Variants in ELP2 observed in about 807,000 individuals in gnomAD.
The protein encoded by ELP2 is elongator acetyltransferase complex subunit 2.
Under a neutral mutation model 119.2 loss-of-function variants are expected in ELP2, and 90 were observed. The observed-to-expected ratio is 0.75, with a 90% confidence interval of 0.64 to 0.90. The LOEUF is 0.90. ELP2 is among the 40% of genes least tolerant of loss of function. The pLI, the probability that ELP2 is intolerant of heterozygous loss-of-function variation, is 0.00. For synonymous variants in ELP2, 339 were observed against 331.0 expected (o/e 1.02, Z -0.26); for missense variants, 921 against 967.8 (o/e 0.95, Z 0.64).
intron 21 of ELP2, among the ~76,000 whole-genome samples, chr18:36,173,295 G>T (rs1011813697): frequency 6.6e-6 from 1 of 152,220 alleles, no homozygotes; most frequent in Admixed American, 6.5e-5. Context: ...TGTAGGAATT[G>T]TGTTCAGAAC....
At chr18:36,146,441 T>C in intron 11 of ELP2, 60 bp downstream of exon 11, 1 of 1,578,574 alleles carries the variant, frequency 6.3e-7, no homozygotes, top group Non-Finnish European at 8.7e-7. Context: ...TCTAGGTAAA[T>C]AGTATTTTGC....
At chr18:36,138,543 A>G in intron 4 of ELP2, 117 bp downstream of exon 4, 2 of 1,181,096 alleles carry the variant, frequency 1.7e-6, no homozygotes, top group African/African-American at 1.6e-5. Flanking sequence ...AAAATACTAT[A>G]ATTCTAATCT....
At chr18:36,149,351 A>G (rs573528483) in intron 11 of ELP2, among the ~76,000 whole-genome samples, 132 of 152,278 alleles carry the variant, frequency 8.7e-4, no homozygotes, top group South Asian at 2.1e-3. Flanking sequence ...ACCACCAGGC[A>G]ATGTAGCTGT....
chr18:36,158,238 C>T (rs529783321), intron 13 of ELP2, among the ~76,000 whole-genome samples: 2 of 152,190 alleles, frequency 1.3e-5, no homozygotes, highest in South Asian at 4.2e-4. Context: ...TGAGCATGTG[C>T]CAGTTTTGAT....
chr18:36,141,629 G>A (rs190017057), intron 6 of ELP2, among the ~76,000 whole-genome samples: 11 of 152,034 alleles, frequency 7.2e-5, no homozygotes, highest in African/African-American at 2.7e-4. Flanking sequence ...TATTTAATAG[G>A]ATACTCATTT....
intron 17 of ELP2, among the ~76,000 whole-genome samples, chr18:36,161,905 G>T (rs184875279): frequency 3.9e-5 from 6 of 152,150 alleles, no homozygotes; most frequent in African/African-American, 4.8e-5. Flanking sequence ...ATGGAATTCA[G>T]TAGTTCAAAT....
intron 18 of ELP2, among the ~76,000 whole-genome samples, chr18:36,165,647 CG>C (rs2090873622): frequency 6.6e-6 from 1 of 152,080 alleles, no homozygotes; most frequent in Non-Finnish European, 1.5e-5. Context: ...TTTGGGAGGC[CG>C]AGGTGGGCGG....
chr18:36,138,949 G>A, intron 5 of ELP2, 77 bp downstream of exon 5: 1 of 1,070,150 alleles, frequency 9.3e-7, no homozygotes, highest in Non-Finnish European at 1.4e-6. Context: ...TAAAAGAAAT[G>A]TATTGGGTCT....
At position 36,156,499 on chromosome 18, in the gene ELP2, C is replaced by A; in HGVS notation, c.1309C>A (p.His437Asn). ...TWHEIARPQI[H>N]GYDLKCLAMI... The stretch of plus-strand genomic sequence containing the variant: ...GCATGAAATTGCAAGGCCTCAGATA[C>A]ATGGGTATGACCTGAAATGTTTGGC... Residue 437 changes from histidine to asparagine, a missense_variant, in exon 13 of 22, where the codon CAT becomes AAT. Coordinates refer to ENST00000358232, the MANE Select transcript of ELP2 (RefSeq NM_018255.4). 6.2e-7 allele frequency: 1 copy of A among 1,614,082 alleles called. No individual in the cohort carries two copies. Among genetic ancestry groups the A allele is most frequent in the Non-Finnish European group, 8.5e-7 (1 of 1,179,992 alleles).
intron 2 of ELP2, 44 bp from the exon 3 acceptor site, chr18:36,136,263 G>GA (rs1480989010): frequency 4.7e-6 from 7 of 1,491,292 alleles, no homozygotes; most frequent in Non-Finnish European, 9.4e-7. Flanking sequence ...AAAAATTGCA[G>GA]AAAAAATGAA....
chr18:36,142,045 T>C (rs2090048469), intron 6 of ELP2, among the ~76,000 whole-genome samples: 1 of 152,196 alleles, frequency 6.6e-6, no homozygotes, highest in African/African-American at 2.4e-5. Context: ...ATCTTAAACA[T>C]TTAAAATATT....
chr18:36,131,374 G>GA (rs1319281735), intron 1 of ELP2, among the ~76,000 whole-genome samples: 1 of 152,220 alleles, frequency 6.6e-6, no homozygotes, highest in Non-Finnish European at 1.5e-5. Flanking sequence ...TGTAGAATGG[G>GA]AGAGACCACA....
At chr18:36,173,348 A>G (rs980121728) in intron 21 of ELP2, among the ~76,000 whole-genome samples, 2 of 152,230 alleles carry the variant, frequency 1.3e-5, no homozygotes, top group African/African-American at 4.8e-5. Context: ...AATGCCTTTT[A>G]TAATATTACC....
intron 8 of ELP2, among the ~76,000 whole-genome samples, chr18:36,143,604 C>G (rs1434926364): frequency 6.6e-6 from 1 of 151,980 alleles, no homozygotes. Context: ...GCTATGTTGT[C>G]CAGGCTGTTT....
intron 11 of ELP2, among the ~76,000 whole-genome samples, chr18:36,152,155 T>C (rs933931904): frequency 6.6e-6 from 1 of 150,762 alleles, no homozygotes; most frequent in African/African-American, 2.4e-5. Flanking sequence ...CGTGATTGCA[T>C]CACTGCACTC....
intron 19 of ELP2, 45 bp downstream of exon 19, chr18:36,167,267 A>G (rs1308289977): frequency 1.4e-6 from 2 of 1,410,498 alleles, no homozygotes; most frequent in Non-Finnish European, 1.9e-6. Context: ...TAAAAATAAT[A>G]TTTTTATAGG....
At position 36,130,027 on chromosome 18, in the gene ELP2, C is replaced by T. The variant is rs751173366; in HGVS notation, c.94C>T (p.Leu32=). 3.1e-6 allele frequency: 5 copies of T among 1,614,088 alleles called. No homozygotes were observed. The African/African-American group carries it at 5.3e-5, about 17-fold the overall frequency. The change falls in exon 1 of 22, where the codon CTG becomes TTG. Residue 32 remains leucine (L), a synonymous_variant. Coordinates refer to ENST00000358232, the MANE Select transcript of ELP2 (RefSeq NM_018255.4). ...LNWSSGPRGL[L]AFGTSCSVVL... The stretch of plus-strand genomic sequence containing the variant: ...CTGGAGCTCTGGGCCCAGAGGACTT[C>T]TGGCCTTTGGCACGTCCTGCTCCGT...
intron 16 of ELP2, 95 bp from the exon 17 acceptor site, chr18:36,160,837 A>C: frequency 1.3e-6 from 1 of 782,084 alleles, no homozygotes. Flanking sequence ...TATATTAGCT[A>C]GAGAGGTTGA....
At position 36,154,857 on chromosome 18, in the gene ELP2, G is replaced by A; in HGVS notation, c.1133G>A (p.Trp378Ter). 6.2e-7 allele frequency: 1 copy of A among 1,614,040 alleles called. No homozygotes were observed. The highest frequency in any genetic ancestry group is 8.5e-7 in the Non-Finnish European group (1 of 1,180,000). The change falls in exon 12 of 22, where the codon TGG (tryptophan) becomes TAG (stop). Residue 378 changes from tryptophan (W) to a stop codon, truncating the protein, a stop_gained. Coordinates refer to ENST00000358232, the MANE Select transcript of ELP2 (RefSeq NM_018255.4). LOFTEE classifies it high-confidence loss of function. ...TGAGCACTTCCATTGCAGAGAGAGT[G>A]GACTCCAGAGATTGTCATTTCAGGA... ...WKQNTVNPRE[W>*]TPEIVISGHF...
Sources: gnomAD v4.1 joint callset for allele counts (sites outside exome capture counted in the v4.1 genomes callset) on GRCh38, gnomAD v4.1.1 for gene constraint, MANE v1.5 for transcripts, NCBI Gene and HGNC (gene_info 2026-07-23, HGNC 2026-07-21) for gene names.